TEAD1: variants seen among roughly 807,000 people sequenced by gnomAD.
TEAD1 encodes the protein transcriptional enhancer factor TEF-1.
TEAD1 carries 9 observed loss-of-function variants against 54.9 expected under a neutral mutation model. The observed-to-expected ratio is 0.16, with a 90% CI of 0.10 to 0.29. TEAD1 has a LOEUF of 0.29. TEAD1 is among the 10% of genes least tolerant of loss of function. The probability of loss-of-function intolerance (pLI) is 1.00; values close to 1 mark genes in which losing one functional copy is unlikely to be tolerated. For synonymous variants in TEAD1, 200 were observed against 187.8 expected, an observed-to-expected ratio of 1.07 and a Z score of -0.53; for missense variants, 387 against 535.9, an observed-to-expected ratio of 0.72 and a Z score of 2.74.
chr11:12,765,593 A>G (rs1945191258), intron 3 of TEAD1, among the ~76,000 whole-genome samples: 1 of 152,304 alleles, frequency 6.6e-6, no homozygotes, highest in East Asian at 1.9e-4. Flanking sequence ...CTAAGGAGAA[A>G]GCAGATGGTG....
At chr11:12,790,379 C>G (rs1460068766) in intron 3 of TEAD1, among the ~76,000 whole-genome samples, 1 of 152,184 alleles carries the variant, frequency 6.6e-6, no homozygotes, top group Non-Finnish European at 1.5e-5. Flanking sequence ...AGGTGGTGAA[C>G]TTTTCAAGGG....
chr11:12,806,424 A>C (rs1554935945), intron 3 of TEAD1, among the ~76,000 whole-genome samples: 1 of 151,840 alleles, frequency 6.6e-6, no homozygotes, highest in Admixed American at 6.5e-5. Flanking sequence ...GAAAAGGGTT[A>C]TTGGCTTGAG....
chr11:12,881,821 C>T, intron 7 of TEAD1, 75 bp from the exon 8 acceptor site: 1 of 1,508,748 alleles, frequency 6.6e-7, no homozygotes, highest in Non-Finnish European at 9.2e-7. Context: ...ACTGGGAGGT[C>T]ATGGTGGGGC....
chr11:12,808,004 G>A (rs1946213504), intron 3 of TEAD1, among the ~76,000 whole-genome samples: 1 of 152,112 alleles, frequency 6.6e-6, no homozygotes, highest in South Asian at 2.1e-4. Flanking sequence ...TTTCTTCTTT[G>A]GGTATGAAAC....
intron 3 of TEAD1, among the ~76,000 whole-genome samples, chr11:12,773,280 T>C (rs1945350006): frequency 6.6e-6 from 1 of 152,264 alleles, no homozygotes; most frequent in Non-Finnish European, 1.5e-5. Flanking sequence ...TTACATGGGA[T>C]AAATGCCCAC....
chr11:12,927,686 CATTTT>C (rs1003228667), intron 11 of TEAD1, among the ~76,000 whole-genome samples: 1 of 152,008 alleles, frequency 6.6e-6, no homozygotes, highest in Non-Finnish European at 1.5e-5. Flanking sequence ...ATTCTCATTT[CATTTT>C]ATGTATTTCA....
chr11:12,785,606 A>G (rs1449424078), intron 3 of TEAD1, among the ~76,000 whole-genome samples: 1 of 152,194 alleles, frequency 6.6e-6, no homozygotes, highest in African/African-American at 2.4e-5. Context: ...TCTTATTCCT[A>G]TGCCAGGTGA....
chr11:12,812,007 G>T (rs957952414), intron 3 of TEAD1, among the ~76,000 whole-genome samples: 1 of 152,198 alleles, frequency 6.6e-6, no homozygotes. Context: ...GCTGAAAAGA[G>T]CCCCTGAAAG....
intron 4 of TEAD1, among the ~76,000 whole-genome samples, chr11:12,862,905 G>A (rs973876499): frequency 9.2e-5 from 14 of 152,018 alleles, no homozygotes; most frequent in Non-Finnish European, 2.1e-4. Flanking sequence ...CTGCCCTTTG[G>A]CAGAGCTCTG....
In TEAD1 at chr11:12,942,858, C is replaced by T. The variant is rs531175950; in HGVS notation, c.*5636C>T. On this transcript the variant is annotated 3_prime_UTR_variant, in exon 13 of 13. Transcript: ENST00000527636. ...CAATTTGGCATTTTCAAAGAATGTTCCAGCCCTCAAAGGGGCAACTCTTTA... is the reference window on the plus strand; with the variant it reads ...CAATTTGGCATTTTCAAAGAATGTTTCAGCCCTCAAAGGGGCAACTCTTTA... 5 of 152,276 alleles carry T rather than the reference C, an allele frequency of 3.3e-5. No individual in the cohort carries two copies. In the East Asian group the frequency reaches 9.7e-4, roughly 29 times the overall value. 9.4% of individuals were successfully genotyped at this position (152,276 alleles called of 1,614,324 possible).
In TEAD1 at chr11:12,788,124, C is replaced by T. The variant is rs796133102; in HGVS notation, c.202+23690C>T. Among the ~76,000 whole-genome samples, 59 of 151,296 alleles carry T rather than the reference C, an allele frequency of 3.9e-4. 2 individuals are homozygous for T. The highest frequency in any genetic ancestry group is 1.4e-3 in the African/African-American group (56 of 41,136). On this transcript the variant is annotated intron_variant, in intron 3 of 12. Coordinates refer to ENST00000527636, the MANE Select transcript of TEAD1 (RefSeq NM_021961.6). ...ACCACCACAGGCACTCGCCACCATG[C>T]CCAGCTAATTTTGTCTTTTTTTTTT...
intron 9 of TEAD1, among the ~76,000 whole-genome samples, chr11:12,893,656 G>A (rs976709241): frequency 6.6e-6 from 1 of 152,090 alleles, no homozygotes; most frequent in African/African-American, 2.4e-5. Flanking sequence ...GTCTGAGGAA[G>A]CAGCAGCCCC....
In TEAD1 at chr11:12,929,156, G is replaced by T. The variant is rs1948962123; in HGVS notation, c.1015-1018G>T. Among the ~76,000 whole-genome samples, 5 of 142,680 alleles carry T rather than the reference G, an allele frequency of 3.5e-5. No individual in the cohort carries two copies. In the South Asian group the frequency reaches 1.2e-3, roughly 33 times the overall value. The allele number at this position is 142,680 out of a possible 152,430, so 93.6% of individuals were successfully genotyped here. On this transcript the variant is annotated intron_variant, in intron 11 of 12. Transcript: ENST00000527636. ...CATCTCTATCTGCTGTGTTTTCTTT[G>T]CTTTGCCGTGTGTGTGTGTGTGTGT...
At chr11:12,831,345 C>T (rs1423119367) in intron 3 of TEAD1, among the ~76,000 whole-genome samples, 1 of 152,182 alleles carries the variant, frequency 6.6e-6, no homozygotes, top group African/African-American at 2.4e-5. Flanking sequence ...TGAATTCCCC[C>T]AGTGCCCTGA....
At chr11:12,725,052 G>C (rs1242094976) in intron 2 of TEAD1, among the ~76,000 whole-genome samples, 1 of 152,184 alleles carries the variant, frequency 6.6e-6, no homozygotes. Context: ...CTTGGTGGTG[G>C]CTGTGTTGTC....
intron 2 of TEAD1, among the ~76,000 whole-genome samples, chr11:12,758,078 G>A (rs1345518593): frequency 2.0e-5 from 3 of 152,132 alleles, no homozygotes; most frequent in Admixed American, 1.3e-4. Context: ...GCCATGCCTG[G>A]AGGTTCATTC....
chr11:12,853,556 C>T (rs1180583886), intron 3 of TEAD1, among the ~76,000 whole-genome samples: 1 of 152,146 alleles, frequency 6.6e-6, no homozygotes, highest in Admixed American at 6.5e-5. Context: ...TCTTTATTGC[C>T]TCATAGAGAA....
intron 3 of TEAD1, among the ~76,000 whole-genome samples, chr11:12,826,651 T>C (rs1946662727): frequency 6.6e-6 from 1 of 152,220 alleles, no homozygotes; most frequent in Admixed American, 6.5e-5. Flanking sequence ...CTCCATCAAA[T>C]CCTTCACTTC....
chr11:12,881,832 C>A, intron 7 of TEAD1, 64 bp from the exon 8 acceptor site: 2 of 1,566,334 alleles, frequency 1.3e-6, no homozygotes, highest in South Asian at 1.1e-5. Context: ...ATGGTGGGGC[C>A]TGGGTAATAG....
Sources: allele counts gnomAD v4.1 joint callset (sites outside exome capture counted in the v4.1 genomes callset), GRCh38; gene constraint gnomAD v4.1.1; transcripts MANE v1.5; gene names NCBI Gene and HGNC (gene_info 2026-07-23, HGNC 2026-07-21).